PCDHGB3: variants seen among roughly 807,000 people sequenced by gnomAD.
The protein encoded by PCDHGB3 is protocadherin gamma-B3.
In PCDHGB3, 40 loss-of-function variants were observed where a neutral mutation model predicts 59.2. The observed-to-expected ratio is 0.68, with a 90% CI of 0.52 to 0.88. PCDHGB3 has a LOEUF of 0.88. PCDHGB3 is among the 40% of genes least tolerant of loss of function. PCDHGB3 has a pLI of 0.00. For missense variants in PCDHGB3, 1,309 were observed against 1,187.9 expected (o/e 1.10, Z -1.50); for synonymous variants, 581 against 503.6 (o/e 1.15, Z -2.06).
chr5:141,445,825 G>A (rs1031190864), intron 1 of PCDHGB3, among the ~76,000 whole-genome samples: 8 of 152,124 alleles, frequency 5.3e-5, no homozygotes, highest in Non-Finnish European at 1.2e-4. Context: ...AATAAGGCAG[G>A]GAGAGCCTTG....
At chr5:141,435,026 C>T (rs977017371) in intron 1 of PCDHGB3, among the ~76,000 whole-genome samples, 1 of 151,978 alleles carries the variant, frequency 6.6e-6, no homozygotes, top group Non-Finnish European at 1.5e-5. Flanking sequence ...GCTCTTTTCC[C>T]ACTTTTATTT....
chr5:141,389,657 G>A lies in PCDHGB3; in HGVS notation c.2415+16848G>A, dbSNP rs372714152. The stretch of plus-strand genomic sequence containing the variant: ...GCTACTTGGTGACCAAGGTAGTGGC[G>A]GTGGACGCAGACTCAGGACACAACG... On this transcript the variant is annotated intron_variant, in intron 1 of 3. Transcript: ENST00000576222. The A allele has an allele frequency of 6.2e-5, 100 of 1,612,554 alleles. 2 individuals are homozygous for A. In the African/African-American group the frequency reaches 1.0e-3, roughly 17 times the overall value.
chr5:141,460,909 G>GGTGT (rs548378036), intron 1 of PCDHGB3, among the ~76,000 whole-genome samples: 1 of 123,246 alleles, frequency 8.1e-6, no homozygotes, highest in African/African-American at 3.7e-5. Flanking sequence ...AATATTCCAT[G>GGTGT]GTGTATATAT....
chr5:141,460,791 C>A (rs2098997892), intron 1 of PCDHGB3, among the ~76,000 whole-genome samples: 1 of 151,666 alleles, frequency 6.6e-6, no homozygotes, highest in Non-Finnish European at 1.5e-5. Context: ...TATATACACA[C>A]AAAGTATATA....
chr5:141,436,973 T>C (rs1209787552), intron 1 of PCDHGB3, among the ~76,000 whole-genome samples: 1 of 152,234 alleles, frequency 6.6e-6, no homozygotes, highest in Non-Finnish European at 1.5e-5. Context: ...TTGTGAAACT[T>C]ATTTTAAAGA....
At chr5:141,421,797 C>T in intron 1 of PCDHGB3, 1 of 1,613,744 alleles carries the variant, frequency 6.2e-7, no homozygotes, top group Non-Finnish European at 8.5e-7. Context: ...CGGATGGGGC[C>T]AAGAATCCAG....
intron 1 of PCDHGB3, chr5:141,412,489 T>C (rs1292155082): frequency 6.6e-6 from 1 of 152,176 alleles, no homozygotes; most frequent in East Asian, 1.9e-4. Context: ...TCTTACACAA[T>C]CCTAAGCTAA....
intron 1 of PCDHGB3, chr5:141,374,317 T>C: frequency 1.2e-6 from 2 of 1,613,982 alleles, no homozygotes; most frequent in East Asian, 2.2e-5. Context: ...TCTCTCTGAA[T>C]CCGCGAAACG....
intron 1 of PCDHGB3, among the ~76,000 whole-genome samples, chr5:141,426,099 G>A (rs1590666889): frequency 1.3e-5 from 2 of 152,348 alleles, no homozygotes; most frequent in African/African-American, 4.8e-5. Context: ...ATTCTGTTCA[G>A]TCACAGAAGC....
In PCDHGB3 at chr5:141,476,653, C is replaced by T; in HGVS notation, c.2416-18154C>T. ...CCTATGAGCTGAGCCGAAATGAATA[C>T]TTTGCGCTTCGCGTGCAGACGCGGG... is the stretch of plus-strand genomic sequence containing the variant. On this transcript the variant is annotated intron_variant, in intron 1 of 3. Transcript: ENST00000576222. The surrounding 1 kb of genome is among the most constrained non-coding windows in gnomAD (Gnocchi z 7.6). 6.2e-7 allele frequency: 1 copy of T among 1,614,270 alleles called. No individual in the cohort carries two copies. The highest frequency in any genetic ancestry group is 8.5e-7 in the Non-Finnish European group (1 of 1,180,058).
chr5:141,414,023 A>G lies in PCDHGB3; in HGVS notation c.2415+41214A>G, dbSNP rs746044242. 5 of 1,612,692 alleles carry G rather than the reference A, an allele frequency of 3.1e-6. No homozygotes were observed. The highest frequency in any genetic ancestry group is 2.2e-5 in the East Asian group (1 of 44,836). ...GAAGGTGCCAATGGAGAAGTGACAT[A>G]TTCATTCCGAAAATTACCTGACACG... On this transcript the variant is annotated intron_variant, in intron 1 of 3. Transcript: ENST00000576222.
At chr5:141,419,298 A>G in intron 1 of PCDHGB3, 1 of 1,613,988 alleles carries the variant, frequency 6.2e-7, no homozygotes, top group Non-Finnish European at 8.5e-7. Context: ...TCTGACCCAG[A>G]CTTCGGGCTC....
intron 1 of PCDHGB3, among the ~76,000 whole-genome samples, chr5:141,462,819 A>G (rs1182498111): frequency 6.6e-6 from 1 of 152,210 alleles, no homozygotes; most frequent in East Asian, 1.9e-4. Context: ...TTTATTGGAC[A>G]GCAGACATTG....
At chr5:141,453,700 G>A (rs953445370) in intron 1 of PCDHGB3, among the ~76,000 whole-genome samples, 1 of 152,166 alleles carries the variant, frequency 6.6e-6, no homozygotes, top group Non-Finnish European at 1.5e-5. Flanking sequence ...TCCTGGCTTT[G>A]AACAGTTTCA....
At position 141,432,297 on chromosome 5, in the gene PCDHGB3, T is replaced by C. The variant is rs1339659774; in HGVS notation, c.2415+59488T>C. 3.1e-6 allele frequency: 5 copies of C among 1,614,040 alleles called. No individual in the cohort carries two copies. The highest frequency in any genetic ancestry group is 1.7e-5 in the Admixed American group (1 of 60,006). ...GTGTCCATCAACTCCGACACTGGGG[T>C]ACTGTATGCGCTGAGCTCCTTCGAC... On this transcript the variant is annotated intron_variant, in intron 1 of 3. Transcript: ENST00000576222. This position sits in a 1 kb window ranked among gnomAD's most constrained non-coding sequence, Gnocchi z 6.0.
In PCDHGB3 at chr5:141,491,848, C is replaced by A; in HGVS notation, c.2416-2959C>A. 1 of 1,461,478 alleles carries A rather than the reference C, an allele frequency of 6.8e-7. No homozygotes were observed. Among genetic ancestry groups the A allele is most frequent in the Non-Finnish European group, 9.1e-7 (1 of 1,104,578 alleles). The allele number at this position is 1,461,478 out of a possible 1,614,324, so 90.5% of individuals were successfully genotyped here. A position where few individuals can be genotyped will look rare whatever the true frequency, so the allele number is the denominator to read the frequency against. On this transcript the variant is annotated intron_variant, in intron 1 of 3. Transcript: ENST00000576222. This position sits in a 1 kb window ranked among gnomAD's most constrained non-coding sequence, Gnocchi z 6.9. ...CACCCGATTCTCGGGATCATTGGAC[C>A]GTTTGCGCGAAACCAGAGTGGCCGA...
chr5:141,389,590 G>C (rs1409328445), intron 1 of PCDHGB3: 1 of 1,613,014 alleles, frequency 6.2e-7, no homozygotes, highest in Non-Finnish European at 8.5e-7. Context: ...GGTCCCGACG[G>C]CTCTGCGCTC....
chr5:141,419,175 C>A lies in PCDHGB3; in HGVS notation c.2415+46366C>A, dbSNP rs185228661. On this transcript the variant is annotated intron_variant, in intron 1 of 3. Transcript: ENST00000576222. Reference sequence around the variant, plus strand: ...CCGTTATCCTCCAGCAAAACCATAACCCTGCACATTACTGACGTCAATGAC... The same window carrying A: ...CCGTTATCCTCCAGCAAAACCATAAACCTGCACATTACTGACGTCAATGAC... The A allele has an allele frequency of 5.2e-4, 837 of 1,613,966 alleles. 3 individuals carry two copies. Among genetic ancestry groups the A allele is most frequent in the Non-Finnish European group, 9.3e-5 (110 of 1,179,894 alleles).
chr5:141,418,434 C>T, intron 1 of PCDHGB3: 5 of 1,613,944 alleles, frequency 3.1e-6, no homozygotes, highest in Non-Finnish European at 4.2e-6. Context: ...GGCAAATATC[C>T]AGAATTAGTA....
Sources: gnomAD v4.1 joint callset for allele counts (sites outside exome capture counted in the v4.1 genomes callset) on GRCh38, gnomAD v4.1.1 for gene constraint, Gnocchi (gnomAD v3.1) non-coding constraint, MANE v1.5 for transcripts, NCBI Gene and HGNC (gene_info 2026-07-23, HGNC 2026-07-21) for gene names.